WDR89: variants seen among roughly 807,000 people sequenced by gnomAD.
The protein encoded by WDR89 is WD repeat domain 89.
A neutral mutation model predicts 29.1 loss-of-function variants in WDR89; 17 were observed. The observed-to-expected ratio is 0.58, with a 90% CI of 0.40 to 0.88. The LOEUF (loss-of-function observed/expected upper bound fraction) is 0.88, where lower values mean the gene tolerates loss of function less well. Among genes scored for constraint, WDR89 ranks in the 40% least tolerant of loss-of-function variants. The probability of loss-of-function intolerance (pLI) is 0.00; values close to 1 mark genes in which losing one functional copy is unlikely to be tolerated. For synonymous variants in WDR89, 138 were observed against 157.8 expected, an observed-to-expected ratio of 0.87 and a Z score of 0.94; for missense variants, 396 against 456.3, an observed-to-expected ratio of 0.87 and a Z score of 1.20.
intron 2 of WDR89, among the ~76,000 whole-genome samples, chr14:63,613,160 C>T (rs1268830865): frequency 6.6e-6 from 1 of 152,152 alleles, no homozygotes; most frequent in African/African-American, 2.4e-5. Context: ...TGAAAGGAGT[C>T]GCAGCCTACC....
At chr14:63,636,663 G>C (rs542307832) in intron 1 of WDR89, among the ~76,000 whole-genome samples, 3 of 152,266 alleles carry the variant, frequency 2.0e-5, no homozygotes, top group African/African-American at 7.2e-5. Flanking sequence ...CATAAAGTGG[G>C]GAAAGGACAC....
At chr14:63,621,905 C>A (rs932195233) in intron 2 of WDR89, 5 of 152,146 alleles carry the variant, frequency 3.3e-5, no homozygotes, top group African/African-American at 1.2e-4. Context: ...CAGAAAAACA[C>A]AAACTGAGAA....
rs1050654243 is a variant in WDR89, at chr14:63,624,965, T to G, written c.-69A>C. ...CTTTTAGGTATTTACTCAAGAGAAA[T>G]GACAACTTATGTCCGTACAAACACC... On this transcript the variant is annotated 5_prime_UTR_variant, in exon 2 of 3. Transcript: ENST00000620954. 6.6e-6 allele frequency: 1 copy of G among 152,122 alleles called. No individual in the cohort carries two copies. Among genetic ancestry groups the G allele is most frequent in the Non-Finnish European group, 1.5e-5 (1 of 68,032 alleles). 9.4% of individuals were successfully genotyped at this position (152,122 alleles called of 1,614,324 possible).
chr14:63,620,409 A>G (rs1021378300), intron 2 of WDR89, among the ~76,000 whole-genome samples: 3 of 152,216 alleles, frequency 2.0e-5, no homozygotes, highest in South Asian at 2.1e-4. Flanking sequence ...GTGAAATCTA[A>G]AACAGTCAAA....
At chr14:63,624,452 AGT>A (rs1324020111) in intron 2 of WDR89, among the ~76,000 whole-genome samples, 1 of 148,616 alleles carries the variant, frequency 6.7e-6, no homozygotes, top group African/African-American at 2.5e-5. Flanking sequence ...TGGGTCACAG[AGT>A]GAGACCCTGT....
chr14:63,616,206 T>C (rs1358634352), intron 2 of WDR89, among the ~76,000 whole-genome samples: 2 of 150,502 alleles, frequency 1.3e-5, no homozygotes, highest in African/African-American at 4.9e-5. Flanking sequence ...CAGCTGCAAG[T>C]TGAGCTGTGA....
intron 2 of WDR89, among the ~76,000 whole-genome samples, chr14:63,601,001 GAC>G: frequency 6.6e-6 from 1 of 152,204 alleles, no homozygotes; most frequent in East Asian, 1.9e-4. Context: ...GAAAGGCAAA[GAC>G]ACAGAGAGAT....
chr14:63,605,469 T>TC (rs1895279607), intron 2 of WDR89, among the ~76,000 whole-genome samples: 1 of 152,138 alleles, frequency 6.6e-6, no homozygotes, highest in African/African-American at 2.4e-5. Context: ...CTATACTTTT[T>TC]TTTTTTTTGA....
chr14:63,635,027 T>C (rs1485142112), intron 1 of WDR89, among the ~76,000 whole-genome samples: 1 of 144,624 alleles, frequency 6.9e-6, no homozygotes, highest in African/African-American at 2.6e-5. Flanking sequence ...AAAAAAAAAA[T>C]GGATTCACAG....
rs1894848572 is a variant in WDR89, at chr14:63,597,452, AC to A, written c.*1326del. ...TTCTAAAACTGTTAGTCTGGTTTTGACCCCTGTATTTATCTTCTGTGGCTTT... is the reference window on the plus strand; with the variant it reads ...TTCTAAAACTGTTAGTCTGGTTTTGACCCTGTATTTATCTTCTGTGGCTTT... On this transcript the variant is annotated 3_prime_UTR_variant, in exon 3 of 3. Coordinates refer to ENST00000620954, the MANE Select transcript of WDR89 (RefSeq NM_080666.4). 6.6e-6 allele frequency: 1 copy of A among 151,876 alleles called. No individual in the cohort carries two copies. Among genetic ancestry groups the A allele is most frequent in the African/African-American group, 2.4e-5 (1 of 41,330 alleles). 9.4% of individuals were successfully genotyped at this position (151,876 alleles called of 1,614,324 possible). A position where few individuals can be genotyped will look rare whatever the true frequency, so the allele number is the denominator to read the frequency against.
intron 2 of WDR89, among the ~76,000 whole-genome samples, chr14:63,608,258 C>T (rs554788825): frequency 1.3e-5 from 2 of 152,070 alleles, no homozygotes; most frequent in South Asian, 2.1e-4. Flanking sequence ...TATAGAATTG[C>T]CTCTGGCTGG....
chr14:63,600,705 T>C (rs1260438951), intron 2 of WDR89, among the ~76,000 whole-genome samples: 3 of 43,410 alleles, frequency 6.9e-5, no homozygotes, highest in Non-Finnish European at 1.0e-4. Context: ...AATTTAAACA[T>C]AGATATGTAG....
chr14:63,625,998 C>T (rs558093182), intron 1 of WDR89, among the ~76,000 whole-genome samples: 11 of 152,002 alleles, frequency 7.2e-5, no homozygotes, highest in Non-Finnish European at 1.6e-4. Flanking sequence ...GGATTACAGG[C>T]ATGCACTGCC....
intron 1 of WDR89, among the ~76,000 whole-genome samples, chr14:63,640,773 G>C (rs1001304787): frequency 6.8e-6 from 1 of 147,320 alleles, no homozygotes; most frequent in African/African-American, 2.5e-5. Flanking sequence ...ACCGCGCCCA[G>C]GCTTTTATTG....
intron 2 of WDR89, among the ~76,000 whole-genome samples, chr14:63,623,561 G>A (rs761524921): frequency 1.3e-5 from 2 of 151,678 alleles, no homozygotes; most frequent in African/African-American, 4.8e-5. Flanking sequence ...AAAATTAGCC[G>A]AGTGTGGTGG....
intron 1 of WDR89, among the ~76,000 whole-genome samples, 195 bp downstream of exon 1, chr14:63,641,609 G>C (rs1884145313): frequency 6.6e-6 from 1 of 152,256 alleles, no homozygotes; most frequent in Non-Finnish European, 1.5e-5. Context: ...GCCAGCACAG[G>C]TTTGACCTGG....
intron 2 of WDR89, among the ~76,000 whole-genome samples, chr14:63,605,205 T>TACACAC (rs778938395): frequency 1.3e-4 from 17 of 128,076 alleles, no homozygotes; most frequent in African/African-American, 7.0e-4. Flanking sequence ...CATATATACA[T>TACACAC]ACACATACAC....
Position 63,624,997 on chromosome 14 carries a change from C to A in WDR89, c.-101G>T, listed in dbSNP as rs1013415739. The A allele has an allele frequency of 6.6e-6, 1 of 151,916 alleles. No individual in the cohort carries two copies. Among genetic ancestry groups the A allele is most frequent in the Non-Finnish European group, 1.5e-5 (1 of 67,996 alleles). 9.4% of individuals were successfully genotyped at this position (151,916 alleles called of 1,614,324 possible). On this transcript the variant is annotated 5_prime_UTR_variant, in exon 2 of 3. Transcript: ENST00000620954. Reference sequence around the variant, plus strand: ...TTATGTCCGTACAAACACCTGTACACGTGTTCATCACTATTTTATTTATAA... The same window carrying A: ...TTATGTCCGTACAAACACCTGTACAAGTGTTCATCACTATTTTATTTATAA...
chr14:63,634,837 T>G (rs1028765247), intron 1 of WDR89, among the ~76,000 whole-genome samples: 1 of 142,012 alleles, frequency 7.0e-6, no homozygotes, highest in African/African-American at 2.7e-5. Context: ...ACCATTGCAC[T>G]GCAGTCTGGG....
Sources: allele counts gnomAD v4.1 joint callset (sites outside exome capture counted in the v4.1 genomes callset), GRCh38; gene constraint gnomAD v4.1.1; transcripts MANE v1.5; gene names NCBI Gene and HGNC (gene_info 2026-07-23, HGNC 2026-07-21).